The following DACH1 variants were observed in gnomAD, a reference collection of about 807,000 sequenced individuals.
DACH1 encodes dachshund family transcription factor 1, also known as dachshund homolog 1.
Under a neutral mutation model 54.2 loss-of-function variants are expected in DACH1, and 12 were observed. The observed-to-expected ratio is 0.22, with a 90% CI of 0.14 to 0.36. The LOEUF (loss-of-function observed/expected upper bound fraction) is 0.36, where lower values mean the gene tolerates loss of function less well. Ranked by LOEUF, DACH1 falls within the 10% of genes least tolerant of loss-of-function variation. The pLI, the probability that DACH1 is intolerant of heterozygous loss-of-function variation, is 1.00. For missense variants in DACH1, 805 were observed against 929.8 expected (o/e 0.87, Z 1.75); for synonymous variants, 386 against 366.2 (o/e 1.05, Z -0.62).
intron 3 of DACH1, among the ~76,000 whole-genome samples, chr13:71,577,692 T>A (rs538467066): frequency 6.6e-6 from 1 of 152,182 alleles, no homozygotes; most frequent in Non-Finnish European, 1.5e-5. Context: ...AATATGGCTA[T>A]ATTATAAATC....
In DACH1 at chr13:71,695,820, C is replaced by A. The variant is rs1039279803; in HGVS notation, c.849-13910G>T. Among the ~76,000 whole-genome samples, 8 of 152,164 alleles carry A rather than the reference C, an allele frequency of 5.3e-5. No individual in the cohort carries two copies. In the East Asian group the frequency reaches 1.3e-3, roughly 26 times the overall value. Reference sequence around the variant, plus strand: ...GCAGCAAATTGTGTTTGTTCAGTAGCCTTGGCTAACTCAACCAACAGGGTT... The same window carrying A: ...GCAGCAAATTGTGTTTGTTCAGTAGACTTGGCTAACTCAACCAACAGGGTT... On this transcript the variant is annotated intron_variant, in intron 1 of 10. Transcript: ENST00000613252.
At chr13:71,656,423 A>C (rs1386638575) in intron 2 of DACH1, among the ~76,000 whole-genome samples, 1 of 152,072 alleles carries the variant, frequency 6.6e-6, no homozygotes, top group East Asian at 1.9e-4. Context: ...TCTATTTGTC[A>C]GTATATAGCT....
chr13:71,558,260 A>G (rs1176172040), intron 5 of DACH1, among the ~76,000 whole-genome samples: 2 of 152,010 alleles, frequency 1.3e-5, no homozygotes, highest in Admixed American at 6.6e-5. Flanking sequence ...TGACAAACAC[A>G]TAAGAATGAT....
At chr13:71,733,030 T>G (rs895655072) in intron 1 of DACH1, among the ~76,000 whole-genome samples, 16 of 152,034 alleles carry the variant, frequency 1.1e-4, no homozygotes, top group African/African-American at 3.6e-4. Context: ...CAATTTCACC[T>G]CCAAACAACC....
Position 71,866,526 on chromosome 13 carries a change from T to TGCCGAC in DACH1, c.243_244insGTCGGC (p.Gly81_Ser82insValGly). ...CCGCTGCTGCCGCCGCCGCCTCCGC[T>TGCCGAC]GCCGCCGCCGCCGCCGCCGCCGCCG... On this transcript the variant is annotated inframe_insertion, in exon 1 of 11. Coordinates refer to ENST00000613252, the MANE Select transcript of DACH1 (RefSeq NM_080759.6). 1.6e-6 allele frequency: 2 copies of TGCCGAC among 1,233,676 alleles called. No homozygotes were observed. The highest frequency in any genetic ancestry group is 2.0e-6 in the Non-Finnish European group (2 of 992,452). 76.4% of individuals were successfully genotyped at this position (1,233,676 alleles called of 1,614,324 possible).
intron 1 of DACH1, among the ~76,000 whole-genome samples, chr13:71,807,440 A>AAAAAAAC (rs61175206): frequency 6.6e-6 from 1 of 150,726 alleles, no homozygotes; most frequent in African/African-American, 2.4e-5. Flanking sequence ...AAAAAAAAAA[A>AAAAAAAC]TCCTCAATAT....
At chr13:71,689,866 G>T (rs979837113) in intron 1 of DACH1, among the ~76,000 whole-genome samples, 5 of 152,098 alleles carry the variant, frequency 3.3e-5, no homozygotes, top group African/African-American at 1.2e-4. Context: ...CGCCCCTAAA[G>T]CTTCTAAGTC....
intron 3 of DACH1, among the ~76,000 whole-genome samples, chr13:71,594,933 T>C (rs1301421038): frequency 1.3e-5 from 2 of 152,150 alleles, no homozygotes; most frequent in African/African-American, 4.8e-5. Context: ...AGTAATTATA[T>C]ACTAGTTAAA....
At chr13:71,582,610 G>A (rs1037404502) in intron 3 of DACH1, among the ~76,000 whole-genome samples, 3 of 152,054 alleles carry the variant, frequency 2.0e-5, no homozygotes, top group Non-Finnish European at 2.9e-5. Context: ...TAGAGGTACT[G>A]CATATAACAG....
chr13:71,524,768 T>C (rs1881841900), intron 6 of DACH1, among the ~76,000 whole-genome samples: 1 of 152,112 alleles, frequency 6.6e-6, no homozygotes, highest in African/African-American at 2.4e-5. Flanking sequence ...GCCCTTAGCT[T>C]GTGAAAAACA....
intron 7 of DACH1, among the ~76,000 whole-genome samples, chr13:71,479,717 AT>A (rs1877869891): frequency 6.6e-6 from 1 of 152,282 alleles, no homozygotes; most frequent in Non-Finnish European, 1.5e-5. Context: ...ACCTTCCAGG[AT>A]TCTGGCAGTG....
At chr13:71,502,562 T>C (rs1287879892) in intron 6 of DACH1, among the ~76,000 whole-genome samples, 3 of 152,182 alleles carry the variant, frequency 2.0e-5, no homozygotes, top group African/African-American at 7.2e-5. Flanking sequence ...AAAGTCTACT[T>C]AAGGATTTTT....
chr13:71,861,848 G>A (rs566885600), intron 1 of DACH1, among the ~76,000 whole-genome samples: 5 of 146,672 alleles, frequency 3.4e-5, no homozygotes, highest in Admixed American at 6.9e-5. Flanking sequence ...CAGGCAACAG[G>A]GCAAATGTTA....
intron 1 of DACH1, among the ~76,000 whole-genome samples, chr13:71,806,947 A>T (rs771705055): frequency 6.6e-5 from 10 of 152,208 alleles, no homozygotes; most frequent in Non-Finnish European, 1.3e-4. Context: ...ATGAGTTTAC[A>T]TTACAATATA....
At chr13:71,856,408 T>C (rs1874004743) in intron 1 of DACH1, among the ~76,000 whole-genome samples, 1 of 151,998 alleles carries the variant, frequency 6.6e-6, no homozygotes. Context: ...TCTTTGATTA[T>C]AGTACACACT....
intron 10 of DACH1, among the ~76,000 whole-genome samples, chr13:71,452,084 C>T (rs1875112161): frequency 1.3e-5 from 2 of 152,002 alleles, no homozygotes; most frequent in South Asian, 4.1e-4. Flanking sequence ...TTACACTGTT[C>T]CTGGACTTCT....
intron 1 of DACH1, among the ~76,000 whole-genome samples, chr13:71,795,732 T>C (rs375404739): frequency 5.3e-5 from 8 of 152,160 alleles, no homozygotes; most frequent in Admixed American, 2.6e-4. Context: ...TTGTATGACG[T>C]ATAACTTTGA....
chr13:71,633,360 TA>T (rs2138576726), intron 2 of DACH1, among the ~76,000 whole-genome samples: 1 of 152,310 alleles, frequency 6.6e-6, no homozygotes, highest in South Asian at 2.1e-4. Flanking sequence ...TCTAGTTTGT[TA>T]AAAAGAAAGG....
intron 2 of DACH1, among the ~76,000 whole-genome samples, chr13:71,643,018 C>G (rs1056616903): frequency 4.0e-5 from 6 of 151,320 alleles, no homozygotes; most frequent in Non-Finnish European, 7.4e-5. Flanking sequence ...GAGTGAGACT[C>G]CATCTCAAAA....
Sources: gnomAD v4.1 joint callset for allele counts (sites outside exome capture counted in the v4.1 genomes callset) on GRCh38, gnomAD v4.1.1 for gene constraint, MANE v1.5 for transcripts, NCBI Gene and HGNC (gene_info 2026-07-23, HGNC 2026-07-21) for gene names.